PARP12: variants seen among roughly 807,000 people sequenced by gnomAD.
The protein encoded by PARP12 is protein mono-ADP-ribosyltransferase PARP12.
A neutral mutation model predicts 72.4 loss-of-function variants in PARP12; 59 were observed. That is an observed-to-expected ratio of 0.81 (90% confidence interval 0.66 to 1.01). The LOEUF is 1.01. Among genes scored for constraint, PARP12 ranks in the 50% least tolerant of loss-of-function variants. The probability of loss-of-function intolerance (pLI) is 0.00; values close to 1 mark genes in which losing one functional copy is unlikely to be tolerated. For missense variants in PARP12, 851 were observed against 914.0 expected, an observed-to-expected ratio of 0.93 and a Z score of 0.89; for synonymous variants, 403 against 371.4, an observed-to-expected ratio of 1.09 and a Z score of -0.98.
chr7:140,056,532 GT>G (rs1270897113), intron 3 of PARP12, among the ~76,000 whole-genome samples: 1 of 152,182 alleles, frequency 6.6e-6, no homozygotes, highest in Non-Finnish European at 1.5e-5. Context: ...TCTCGTGGGG[GT>G]GAAGATAGGG....
intron 5 of PARP12, among the ~76,000 whole-genome samples, chr7:140,043,992 A>C (rs916767943): frequency 6.6e-6 from 1 of 152,246 alleles, no homozygotes; most frequent in Non-Finnish European, 1.5e-5. Flanking sequence ...AGAAGACATA[A>C]AAGATAAAGT....
At chr7:140,037,977 T>C (rs983494910) in intron 6 of PARP12, 121 bp from the exon 7 acceptor site, 41 of 1,470,648 alleles carry the variant, frequency 2.8e-5, no homozygotes, top group Middle Eastern at 4.0e-4. Flanking sequence ...GTGGGGAAGA[T>C]GGAGGCCAGG....
rs1032546821 is a variant in PARP12 at position 140,024,124 on chromosome 7, G to A, written c.*436C>T. On this transcript the variant is annotated 3_prime_UTR_variant, in exon 12 of 12. Transcript: ENST00000263549. ...AGCAACAGGCAGAAGTGACTGTGCC[G>A]CCCGTGGGCTGTCATCCACCGGTGG... 18 of 282,316 alleles carry A rather than the reference G, an allele frequency of 6.4e-5. No homozygotes were observed. Among genetic ancestry groups the A allele is most frequent in the Non-Finnish European group, 1.2e-4 (17 of 144,872 alleles). 17.5% of individuals were successfully genotyped at this position (282,316 alleles called of 1,614,324 possible).
chr7:140,057,683 C>T (rs1817244259), intron 2 of PARP12: 1 of 598,338 alleles, frequency 1.7e-6, no homozygotes, highest in Non-Finnish European at 2.9e-6. Flanking sequence ...GCACAGCTAT[C>T]CATGGCATCT....
At chr7:140,050,949 T>G (rs1466220787) in intron 4 of PARP12, among the ~76,000 whole-genome samples, 2 of 152,046 alleles carry the variant, frequency 1.3e-5, no homozygotes, top group Admixed American at 1.3e-4. Context: ...AATAACCCAA[T>G]AAAAATGGGT....
intron 3 of PARP12, among the ~76,000 whole-genome samples, chr7:140,054,985 T>C (rs1817123437): frequency 6.6e-6 from 1 of 152,172 alleles, no homozygotes. Flanking sequence ...CAGGACTCCA[T>C]GAAGGGGACT....
At chr7:140,042,519 C>T (rs545627913) in intron 5 of PARP12, among the ~76,000 whole-genome samples, 5 of 152,286 alleles carry the variant, frequency 3.3e-5, no homozygotes, top group East Asian at 1.9e-4. Context: ...CGATGAGTAA[C>T]GACAGAGAGC....
chr7:140,034,014 C>G (rs1428598616), intron 8 of PARP12: 29 of 1,184,748 alleles, frequency 2.4e-5, no homozygotes, highest in Non-Finnish European at 2.8e-5. Flanking sequence ...TCGCAGATCA[C>G]AACAGGCAGC....
At chr7:140,040,627 T>C (rs1365862167) in intron 6 of PARP12, among the ~76,000 whole-genome samples, 1 of 152,160 alleles carries the variant, frequency 6.6e-6, no homozygotes, top group Non-Finnish European at 1.5e-5. Context: ...CATTAGAGCA[T>C]CACCAGAGTT....
Position 140,054,750 on chromosome 7 carries a change from A to C in PARP12, c.774T>G (p.Ser258Arg), listed in dbSNP as rs1394084807. 6.2e-7 allele frequency: 1 copy of C among 1,613,070 alleles called. No individual in the cohort carries two copies. The highest frequency in any genetic ancestry group is 1.3e-5 in the African/African-American group (1 of 74,914). ...VPQGTSERKDSSGSVSPNTLS... is the reference protein window; with the variant it reads ...VPQGTSERKDRSGSVSPNTLS... Reference sequence around the variant, plus strand: ...GAGTGTTTGGGGACACAGAACCTGAACTGTCTTTTCTTTCTGCAAAGAAAC... The same window carrying C: ...GAGTGTTTGGGGACACAGAACCTGACCTGTCTTTTCTTTCTGCAAAGAAAC... Residue 258 changes from serine to arginine, a missense_variant, in exon 4 of 12, where the codon AGT (serine) becomes AGG (arginine). Ser to Arg is a moderately radical substitution (Grantham distance 110). Coordinates refer to ENST00000263549, the MANE Select transcript of PARP12 (RefSeq NM_022750.4).
Position 140,056,924 on chromosome 7 carries a change from T to C in PARP12, c.692A>G (p.His231Arg), listed in dbSNP as rs753506014. 1.1e-5 allele frequency: 17 copies of C among 1,613,978 alleles called. No individual in the cohort carries two copies. The highest frequency in any genetic ancestry group is 1.3e-5 in the African/African-American group (1 of 75,044). ...GGCAGAGCTCTTATTCTTGATGTCA[T>C]GTGCATTTCTATAAATGGTAGGCAG... ...SRLPTIYRNA[H>R]DIKNKSSAPS... The change falls in exon 3 of 12, where the codon CAT (histidine) becomes CGT (arginine). Residue 231 changes from histidine (H) to arginine (R), a missense_variant. Coordinates refer to ENST00000263549, the MANE Select transcript of PARP12 (RefSeq NM_022750.4).
chr7:140,049,045 T>C (rs1034959247), intron 4 of PARP12, among the ~76,000 whole-genome samples: 1 of 152,218 alleles, frequency 6.6e-6, no homozygotes, highest in Non-Finnish European at 1.5e-5. Flanking sequence ...TTTTCTAAAA[T>C]TGTGTGCATT....
Position 140,041,674 on chromosome 7 carries a change from C to T in PARP12, c.1152G>A (p.Glu384=). 2 of 1,614,052 alleles carry T rather than the reference C, an allele frequency of 1.2e-6. No homozygotes were observed. Among genetic ancestry groups the T allele is most frequent in the South Asian group, 2.2e-5 (2 of 91,046 alleles). The part of the protein sequence containing the change: ...TTDWIWYWSD[E]FGSWQEYGRQ... ...TTCCATATTCCTGCCAAGAACCAAA[C>T]TCATCACTCCAGTACCAAATCCAGT... Residue 384 remains glutamate, a synonymous_variant, in exon 6 of 12, where the codon GAG becomes GAA. Transcript: ENST00000263549.
Position 140,062,918 on chromosome 7 carries a change from C to T in PARP12, c.-71G>A, listed in dbSNP as rs1326186230. ...ACGGCGGCGGACGCTGGCTGGCGGGCGGCTCTCGCAGGGTGGAGACGCCGG... is the reference window on the plus strand; with the variant it reads ...ACGGCGGCGGACGCTGGCTGGCGGGTGGCTCTCGCAGGGTGGAGACGCCGG... On this transcript the variant is annotated 5_prime_UTR_variant, in exon 1 of 12. Coordinates refer to ENST00000263549, the MANE Select transcript of PARP12 (RefSeq NM_022750.4). 6 of 1,180,466 alleles carry T rather than the reference C, an allele frequency of 5.1e-6. No individual in the cohort carries two copies. Among genetic ancestry groups the T allele is most frequent in the South Asian group, 3.2e-5 (1 of 31,404 alleles). The allele number at this position is 1,180,466 out of a possible 1,614,324, so 73.1% of individuals were successfully genotyped here.
At chr7:140,027,990 T>C (rs984587809) in intron 9 of PARP12, among the ~76,000 whole-genome samples, 1 of 152,234 alleles carries the variant, frequency 6.6e-6, no homozygotes, top group Non-Finnish European at 1.5e-5. Context: ...ATGTGCCTTA[T>C]ACAAGCTCAA....
intron 6 of PARP12, chr7:140,038,275 C>T: frequency 2.0e-6 from 2 of 985,438 alleles, no homozygotes; most frequent in South Asian, 4.7e-5. Flanking sequence ...TTAATCAGAG[C>T]TCGGTCCTCT....
intron 6 of PARP12, among the ~76,000 whole-genome samples, chr7:140,039,502 G>A (rs1816366908): frequency 6.6e-6 from 1 of 152,178 alleles, no homozygotes; most frequent in Non-Finnish European, 1.5e-5. Context: ...TATGTGTTAA[G>A]CTGAGAAAGG....
intron 2 of PARP12, 113 bp from the exon 3 acceptor site, chr7:140,057,266 TC>T: frequency 9.8e-7 from 1 of 1,020,546 alleles, no homozygotes; most frequent in Non-Finnish European, 1.4e-6. Flanking sequence ...GATTCCATCA[TC>T]CACACAGAAC....
At chr7:140,047,063 C>T (rs1816762301) in intron 4 of PARP12, 56 bp from the exon 5 acceptor site, 2 of 1,541,640 alleles carry the variant, frequency 1.3e-6, no homozygotes, top group Non-Finnish European at 1.7e-6. Flanking sequence ...CATGCCCTAG[C>T]CTTGTGGTTG....
Sources: allele counts gnomAD v4.1 joint callset (sites outside exome capture counted in the v4.1 genomes callset), GRCh38; gene constraint gnomAD v4.1.1; transcripts MANE v1.5; gene names NCBI Gene and HGNC (gene_info 2026-07-23, HGNC 2026-07-21).